The following TEX9 variants were observed in gnomAD, a reference collection of about 807,000 sequenced individuals.
TEX9 encodes the protein testis expressed 9, also known as testis-expressed protein 9.
In TEX9, 74 loss-of-function variants were observed where a neutral mutation model predicts 59.6. The ratio of observed to expected loss-of-function variants is 1.24; its 90% confidence interval spans 1.03 to 1.51. The LOEUF (loss-of-function observed/expected upper bound fraction) is 1.51, where lower values mean the gene tolerates loss of function less well. Among genes scored for constraint, TEX9 ranks in the 40% most tolerant of loss-of-function variants. TEX9 has a pLI of 0.00. For missense variants in TEX9, 522 were observed against 447.8 expected (o/e 1.17, Z -1.49); for synonymous variants, 186 against 152.2 (o/e 1.22, Z -1.64).
At chr15:56,401,529 C>G (rs1427998156) in intron 9 of TEX9, among the ~76,000 whole-genome samples, 2 of 152,010 alleles carry the variant, frequency 1.3e-5, no homozygotes, top group Admixed American at 1.3e-4. Context: ...CTTAGACTAC[C>G]ACACAATAAT....
intron 1 of TEX9, among the ~76,000 whole-genome samples, chr15:56,315,115 C>G (rs1173379413): frequency 6.6e-6 from 1 of 150,550 alleles, no homozygotes; most frequent in African/African-American, 2.4e-5. Context: ...ATTTGCCAGT[C>G]TGTGTCTTTT....
intron 1 of TEX9, among the ~76,000 whole-genome samples, chr15:56,265,393 G>A (rs560783491): frequency 1.3e-5 from 2 of 151,582 alleles, no homozygotes; most frequent in East Asian, 1.9e-4. Context: ...GGCTGGTCTC[G>A]AACTCCTGGC....
intron 1 of TEX9, among the ~76,000 whole-genome samples, chr15:56,297,009 T>C (rs1483625370): frequency 2.0e-5 from 3 of 151,776 alleles, no homozygotes; most frequent in Non-Finnish European, 4.4e-5. Flanking sequence ...TATTGGGTTA[T>C]GTGATTAAGC....
At chr15:56,353,979 C>G (rs2046635202) in intron 1 of TEX9, among the ~76,000 whole-genome samples, 1 of 152,054 alleles carries the variant, frequency 6.6e-6, no homozygotes, top group South Asian at 2.1e-4. Context: ...GATGGGTTAT[C>G]TTATTTTTCT....
At chr15:56,395,736 C>T (rs1179037922) in intron 9 of TEX9, 1 of 152,096 alleles carries the variant, frequency 6.6e-6, no homozygotes, top group African/African-American at 2.4e-5. Context: ...TGTTGAACAT[C>T]TTTTCATGTG....
intron 12 of TEX9, among the ~76,000 whole-genome samples, chr15:56,441,505 A>G (rs925069691): frequency 1.3e-5 from 2 of 152,208 alleles, no homozygotes; most frequent in African/African-American, 2.4e-5. Context: ...CCTGGCAAAG[A>G]TTTCATGATG....
At chr15:56,313,383 T>C (rs2045672680) in intron 1 of TEX9, among the ~76,000 whole-genome samples, 3 of 130,012 alleles carry the variant, frequency 2.3e-5, no homozygotes, top group African/African-American at 5.6e-5. Flanking sequence ...TGTCAAAGGC[T>C]TTTTCTGCAT....
At position 56,384,939 on chromosome 15, in the gene TEX9, T is replaced by C. The variant is rs183418062; in HGVS notation, c.263+908T>C. Among the ~76,000 whole-genome samples, 8 of 152,134 alleles carry C rather than the reference T, an allele frequency of 5.3e-5. No homozygotes were observed. The East Asian group carries it at 1.5e-3, about 29-fold the overall frequency. On this transcript the variant is annotated intron_variant, in intron 4 of 12. Transcript: ENST00000352903. ...GAATACCTGATTATCTAATTCAGAGTCACAAAGATTTACGACCATGATTTC... is the reference window on the plus strand; with the variant it reads ...GAATACCTGATTATCTAATTCAGAGCCACAAAGATTTACGACCATGATTTC...
chr15:56,333,664 G>A (rs1203292834), intron 1 of TEX9, among the ~76,000 whole-genome samples: 4 of 152,080 alleles, frequency 2.6e-5, no homozygotes, highest in Admixed American at 2.0e-4. Flanking sequence ...AGTACTTGAA[G>A]TCCTAGCTAG....
chr15:56,434,153 T>C (rs750837438), intron 12 of TEX9: 2 of 1,610,718 alleles, frequency 1.2e-6, no homozygotes, highest in African/African-American at 2.7e-5. Context: ...CTGCAAGGAA[T>C]TGTTGGCGAC....
chr15:56,409,060 G>A (rs916292868), intron 9 of TEX9: 3 of 152,264 alleles, frequency 2.0e-5, no homozygotes, highest in Admixed American at 6.5e-5. Flanking sequence ...AGCCAGCGTG[G>A]TGGCGGTTGC....
chr15:56,315,291 G>A (rs2045727636), intron 1 of TEX9, among the ~76,000 whole-genome samples: 1 of 143,524 alleles, frequency 7.0e-6, no homozygotes, highest in Admixed American at 7.2e-5. Flanking sequence ...GCTGGTACCG[G>A]TTGTTCCTTT....
At chr15:56,429,251 T>C in intron 12 of TEX9, 1 of 1,098,724 alleles carries the variant, frequency 9.1e-7, no homozygotes, top group Non-Finnish European at 1.3e-6. Flanking sequence ...CACTAAATGC[T>C]TTTAAGACTG....
At chr15:56,323,269 C>G (rs1197112288) in intron 1 of TEX9, 6 of 216,158 alleles carry the variant, frequency 2.8e-5, no homozygotes, top group Non-Finnish European at 5.9e-5. Flanking sequence ...AAGATCATGT[C>G]TGCCAAAGAG....
intron 1 of TEX9, among the ~76,000 whole-genome samples, chr15:56,303,932 C>G (rs1174367515): frequency 3.3e-5 from 5 of 152,142 alleles, no homozygotes; most frequent in Admixed American, 2.6e-4. Context: ...ATACAACCTA[C>G]TAAGATTGAA....
chr15:56,394,032 C>A, intron 7 of TEX9, 133 bp from the exon 8 acceptor site: 1 of 673,272 alleles, frequency 1.5e-6, no homozygotes, highest in South Asian at 1.9e-5. Context: ...ACCTATAGTG[C>A]CCCCTAACAG....
At chr15:56,387,863 T>G (rs916710029) in intron 4 of TEX9, among the ~76,000 whole-genome samples, 8 of 151,958 alleles carry the variant, frequency 5.3e-5, no homozygotes, top group Admixed American at 1.3e-4. Flanking sequence ...TTTGCAGACC[T>G]CCATAAACAC....
chr15:56,271,936 C>A (rs2713930), intron 1 of TEX9, among the ~76,000 whole-genome samples: 67,350 of 151,876 alleles, frequency 0.44, 15,663 homozygotes, highest in Non-Finnish European at 0.53. Context: ...GTCAGGAGAT[C>A]GAGACCATCC....
At chr15:56,401,236 C>T (rs1379730703) in intron 9 of TEX9, among the ~76,000 whole-genome samples, 1 of 145,468 alleles carries the variant, frequency 6.9e-6, no homozygotes, top group Non-Finnish European at 1.5e-5. Context: ...TCAGGAGACC[C>T]ATCTCATGTG....
Sources: gnomAD v4.1 joint callset for allele counts (sites outside exome capture counted in the v4.1 genomes callset) on GRCh38, gnomAD v4.1.1 for gene constraint, MANE v1.5 for transcripts, NCBI Gene and HGNC (gene_info 2026-07-23, HGNC 2026-07-21) for gene names.